TMTC2: variants seen among roughly 807,000 people sequenced by gnomAD.
TMTC2 encodes the protein protein O-mannosyl-transferase TMTC2.
Under a neutral mutation model 82.4 loss-of-function variants are expected in TMTC2, and 43 were observed. The ratio of observed to expected loss-of-function variants is 0.52; its 90% CI spans 0.41 to 0.67. TMTC2 has a LOEUF of 0.67. TMTC2 is among the 30% of genes least tolerant of loss of function. The probability of loss-of-function intolerance (pLI) is 0.00; values close to 1 mark genes in which losing one functional copy is unlikely to be tolerated. For synonymous variants in TMTC2, 408 were observed against 381.9 expected, an observed-to-expected ratio of 1.07 and a Z score of -0.80; for missense variants, 919 against 1,012.4, an observed-to-expected ratio of 0.91 and a Z score of 1.25.
At chr12:82,868,132 C>G (rs1871961531) in intron 2 of TMTC2, among the ~76,000 whole-genome samples, 1 of 152,176 alleles carries the variant, frequency 6.6e-6, no homozygotes, top group South Asian at 2.1e-4. Flanking sequence ...TCTTTTGCCA[C>G]GTCCCTGTCT....
intron 4 of TMTC2, among the ~76,000 whole-genome samples, chr12:82,944,819 T>C (rs1414154260): frequency 3.3e-5 from 5 of 152,102 alleles, no homozygotes; most frequent in Non-Finnish European, 7.4e-5. Flanking sequence ...TCACTTCTCC[T>C]CCACGTGGTA....
intron 10 of TMTC2, among the ~76,000 whole-genome samples, chr12:83,060,409 C>T (rs1327646389): frequency 6.6e-6 from 1 of 151,572 alleles, no homozygotes; most frequent in African/African-American, 2.4e-5. Context: ...GCTAGTTAAC[C>T]TTCTCTTTTA....
rs183712151 is a variant in TMTC2 at position 83,046,679 on chromosome 12, C to A, written c.2153-4225C>A. ...CTTGTCTCTGTCTTGATGGGCTTAA[C>A]GGTAATTCTTCAGGGAAGAGCACCT... On this transcript the variant is annotated intron_variant, in intron 9 of 11. Transcript: ENST00000321196. Among the ~76,000 whole-genome samples the A allele has an allele frequency of 1.4e-3, 217 of 152,206 alleles. 1 individual carries two copies. Among genetic ancestry groups the A allele is most frequent in the African/African-American group, 5.0e-3 (208 of 41,536 alleles).
chr12:82,744,580 C>CAAA (rs1565731578), intron 1 of TMTC2, among the ~76,000 whole-genome samples: 25 of 3,292 alleles, frequency 7.6e-3, no homozygotes, highest in African/African-American at 0.011. Context: ...GACTCTGACT[C>CAAA]TAAAAAAAAA....
chr12:82,879,415 T>C (rs1334965903), intron 2 of TMTC2, among the ~76,000 whole-genome samples: 1 of 152,202 alleles, frequency 6.6e-6, no homozygotes, highest in Non-Finnish European at 1.5e-5. Context: ...CCTAGATCCC[T>C]CGCATGTGCA....
At chr12:83,006,984 T>C (rs1249665562) in intron 8 of TMTC2, among the ~76,000 whole-genome samples, 2 of 152,092 alleles carry the variant, frequency 1.3e-5, no homozygotes, top group African/African-American at 4.8e-5. Context: ...AAATACCTAA[T>C]GTAAATGACG....
At chr12:82,700,018 T>A (rs1872996208) in intron 1 of TMTC2, among the ~76,000 whole-genome samples, 1 of 152,154 alleles carries the variant, frequency 6.6e-6, no homozygotes, top group Non-Finnish European at 1.5e-5. Flanking sequence ...TTAAAGTATA[T>A]GGGAGGATGT....
At chr12:82,886,198 G>A (rs1001827084) in intron 2 of TMTC2, among the ~76,000 whole-genome samples, 2 of 151,970 alleles carry the variant, frequency 1.3e-5, no homozygotes, top group East Asian at 3.9e-4. Flanking sequence ...CGTGTGTTTT[G>A]AGCACTTTCT....
In TMTC2 at chr12:82,895,954, A is replaced by C; in HGVS notation, c.791A>C (p.Asp264Ala). The part of the protein sequence containing the change: ...SNSDNPAADS[D>A]SLLTRTLTFF... ...TCGGACAACCCCGCTGCTGATTCGG[A>C]CAGCCTCCTCACCCGCACTCTCACC... The change falls in exon 3 of 12, where the codon GAC (aspartate) becomes GCC (alanine). Residue 264 changes from aspartate (D) to alanine (A), a missense_variant. Asp to Ala is a moderately radical substitution (Grantham distance 126). Coordinates refer to ENST00000321196, the MANE Select transcript of TMTC2 (RefSeq NM_152588.3). 6.2e-7 allele frequency: 1 copy of C among 1,613,846 alleles called. No individual in the cohort carries two copies. Among genetic ancestry groups the C allele is most frequent in the Non-Finnish European group, 8.5e-7 (1 of 1,179,994 alleles).
intron 8 of TMTC2, among the ~76,000 whole-genome samples, chr12:83,014,144 G>T (rs1307283186): frequency 2.0e-5 from 3 of 151,976 alleles, no homozygotes; most frequent in Admixed American, 1.3e-4. Flanking sequence ...AGCATTATAA[G>T]AATACTATTT....
chr12:82,696,928 G>A (rs2040303734), intron 1 of TMTC2, among the ~76,000 whole-genome samples: 1 of 146,118 alleles, frequency 6.8e-6, no homozygotes, highest in Non-Finnish European at 1.5e-5. Context: ...TGCTGAGATG[G>A]CTTCTTGCCA....
In TMTC2 at chr12:82,730,157, C is replaced by T. The variant is rs543166127; in HGVS notation, c.83+42488C>T. 3.3e-5 allele frequency among the ~76,000 whole-genome samples: 5 copies of T among 152,138 alleles called. No individual in the cohort carries two copies. In the South Asian group the frequency reaches 8.3e-4, roughly 25 times the overall value. ...ACCAAGAACCTACCAATCCCAGACA[C>T]ACTGGCACGTGCCTGGAGTCCCAGC... is the stretch of plus-strand genomic sequence containing the variant. On this transcript the variant is annotated intron_variant, in intron 1 of 11. Coordinates refer to ENST00000321196, the MANE Select transcript of TMTC2 (RefSeq NM_152588.3).
intron 1 of TMTC2, among the ~76,000 whole-genome samples, chr12:82,689,950 C>G (rs534148799): frequency 3.9e-5 from 6 of 152,290 alleles, no homozygotes; most frequent in Admixed American, 3.3e-4. Flanking sequence ...GATTTCTTAG[C>G]AGAACTACAT....
intron 1 of TMTC2, among the ~76,000 whole-genome samples, chr12:82,732,146 T>G (rs1175287359): frequency 1.3e-5 from 2 of 152,190 alleles, no homozygotes; most frequent in Non-Finnish European, 2.9e-5. Context: ...TATTTAAAAA[T>G]TATTTAGCTT....
intron 1 of TMTC2, among the ~76,000 whole-genome samples, chr12:82,796,493 A>C (rs945255904): frequency 7.9e-5 from 12 of 152,146 alleles, no homozygotes; most frequent in African/African-American, 2.9e-4. Flanking sequence ...AACTTACACA[A>C]CAGCCTCCTT....
intron 1 of TMTC2, among the ~76,000 whole-genome samples, chr12:82,719,905 A>G (rs1201662109): frequency 6.6e-6 from 1 of 152,252 alleles, no homozygotes; most frequent in Admixed American, 6.5e-5. Flanking sequence ...CTAGGCAAAC[A>G]GTAGTCTTTA....
Position 83,054,434 on chromosome 12 carries a change from G to A in TMTC2, c.2267+3416G>A, listed in dbSNP as rs147303782. ...AGCTATAAATATTTCCCCAGAAATT[G>A]ATGCAAAATACTAAAAACATGAAAA... On this transcript the variant is annotated intron_variant, in intron 10 of 11. Coordinates refer to ENST00000321196, the MANE Select transcript of TMTC2 (RefSeq NM_152588.3). Among the ~76,000 whole-genome samples, 240 of 152,004 alleles carry A rather than the reference G, an allele frequency of 1.6e-3. 2 individuals carry two copies. The highest frequency in any genetic ancestry group is 5.6e-3 in the African/African-American group (231 of 41,516).
intron 1 of TMTC2, among the ~76,000 whole-genome samples, chr12:82,835,633 A>G (rs189689429): frequency 5.3e-4 from 81 of 152,282 alleles, no homozygotes; most frequent in African/African-American, 1.8e-3. Flanking sequence ...TTCTTAAATT[A>G]GGCGTTCTTT....
chr12:83,073,061 T>A (rs200353165), intron 11 of TMTC2, among the ~76,000 whole-genome samples: 8 of 151,144 alleles, frequency 5.3e-5, no homozygotes, highest in African/African-American at 1.9e-4. Flanking sequence ...TTTTTTTTTA[T>A]TTTTTTGTTT....
Sources: allele counts gnomAD v4.1 joint callset (sites outside exome capture counted in the v4.1 genomes callset), GRCh38; gene constraint gnomAD v4.1.1; transcripts MANE v1.5; gene names NCBI Gene and HGNC (gene_info 2026-07-23, HGNC 2026-07-21).